The following HECW1 variants were observed in gnomAD, a reference collection of about 807,000 sequenced individuals.
The protein encoded by HECW1 is E3 ubiquitin-protein ligase HECW1.
In HECW1, 61 loss-of-function variants were observed where a neutral mutation model predicts 182.3. That is an observed-to-expected ratio of 0.33 (90% confidence interval 0.27 to 0.41). The LOEUF (loss-of-function observed/expected upper bound fraction) is 0.41. Ranked by LOEUF, HECW1 falls within the 10% of genes least tolerant of loss-of-function variation. HECW1 has a pLI of 1.00. For synonymous variants in HECW1, 859 were observed against 832.6 expected, an observed-to-expected ratio of 1.03 and a Z score of -0.55; for missense variants, 1,739 against 2,108.9, an observed-to-expected ratio of 0.82 and a Z score of 3.44.
intron 6 of HECW1, 77 bp downstream of exon 6, chr7:43,361,057 CGTGTGTGTGTGTGTGTGTGT>C (rs3032904): frequency 3.1e-6 from 2 of 637,080 alleles, no homozygotes; most frequent in Non-Finnish European, 5.5e-6. Flanking sequence ...CTTGTGCGTG[CGTGTGTGTGTGTGTGTGTGT>C]GTGTGTGTGT....
At chr7:43,517,794 T>C (rs550338790) in intron 24 of HECW1, among the ~76,000 whole-genome samples, 45 of 152,282 alleles carry the variant, frequency 3.0e-4, no homozygotes, top group African/African-American at 1.1e-3. Context: ...CATCTCTGGC[T>C]GAATCTCAGT....
At chr7:43,228,822 GT>G (rs1487903519) in intron 2 of HECW1, among the ~76,000 whole-genome samples, 4 of 151,952 alleles carry the variant, frequency 2.6e-5, no homozygotes, top group Admixed American at 1.3e-4. Flanking sequence ...ATGAAACTAT[GT>G]TAGAATTTTC....
In HECW1 at chr7:43,445,510, G is replaced by A. The variant is rs377512268; in HGVS notation, c.2338G>A (p.Val780Met). The A allele has an allele frequency of 3.7e-6, 6 of 1,610,814 alleles. No individual in the cohort carries two copies. Among genetic ancestry groups the A allele is most frequent in the African/African-American group, 2.7e-5 (2 of 74,900 alleles). Reference sequence around the variant, plus strand: ...CGAGCTGGCCGCCCCTAGCGGGCACGTGGAAAGAAGCCCGGAAGGTCTGGA... The same window carrying A: ...CGAGCTGGCCGCCCCTAGCGGGCACATGGAAAGAAGCCCGGAAGGTCTGGA... ...QDELAAPSGH[V>M]ERSPEGLESP... Residue 780 changes from valine to methionine, a missense_variant, in exon 11 of 30, where the codon GTG becomes ATG. By Grantham distance (21) the Val-to-Met change is conservative. Coordinates refer to ENST00000395891, the MANE Select transcript of HECW1 (RefSeq NM_015052.5).
intron 3 of HECW1, among the ~76,000 whole-genome samples, chr7:43,282,377 C>T (rs1804030879): frequency 6.6e-6 from 1 of 152,220 alleles, no homozygotes; most frequent in African/African-American, 2.4e-5. Context: ...TGATGCCATC[C>T]GGATGACAGG....
intron 5 of HECW1, among the ~76,000 whole-genome samples, chr7:43,352,790 G>T (rs1186301850): frequency 6.6e-6 from 1 of 152,150 alleles, no homozygotes; most frequent in Non-Finnish European, 1.5e-5. Context: ...TATTATTAAT[G>T]CCCTGGTACA....
rs762043609 is a variant in HECW1 at position 43,445,038 on chromosome 7, G to T, written c.1866G>T (p.Gly622=). 16 of 1,571,562 alleles carry T rather than the reference G, an allele frequency of 1.0e-5. No homozygotes were observed. Among genetic ancestry groups the T allele is most frequent in the African/African-American group, 4.0e-5 (3 of 74,086 alleles). The part of the protein sequence containing the change: ...ALEEDREEPE[G]ATPGTAHPGH... ...AAGAGGACAGAGAAGAGCCCGAGGG[G>T]GCTACTCCAGGCACGGCGCACCCTG... Residue 622 remains glycine (G), a synonymous_variant, in exon 11 of 30, where the codon GGG becomes GGT. Transcript: ENST00000395891.
chr7:43,398,949 T>C (rs1161970697), intron 7 of HECW1, among the ~76,000 whole-genome samples: 1 of 152,210 alleles, frequency 6.6e-6, no homozygotes, highest in Non-Finnish European at 1.5e-5. Flanking sequence ...ATGAGCCAGT[T>C]TAGCCACCTG....
chr7:43,232,021 C>CAAAAAAAAAA, intron 2 of HECW1, among the ~76,000 whole-genome samples: 1 of 71,348 alleles, frequency 1.4e-5, no homozygotes, highest in Non-Finnish European at 2.7e-5. Context: ...GACTCCATCT[C>CAAAAAAAAAA]AAAAAAAAAA....
chr7:43,562,919 A>C lies in HECW1; in HGVS notation c.*993A>C, dbSNP rs1185106591. 1 of 215,038 alleles carries C rather than the reference A, an allele frequency of 4.7e-6. No homozygotes were observed. Among genetic ancestry groups the C allele is most frequent in the Non-Finnish European group, 9.4e-6 (1 of 106,756 alleles). The allele number at this position is 215,038 out of a possible 1,614,324, so 13.3% of individuals were successfully genotyped here. A position where few individuals can be genotyped will look rare whatever the true frequency, so the allele number is the denominator to read the frequency against. On this transcript the variant is annotated 3_prime_UTR_variant, in exon 30 of 30. Coordinates refer to ENST00000395891, the MANE Select transcript of HECW1 (RefSeq NM_015052.5). Reference sequence around the variant, plus strand: ...TCACAAAGGAAAAAAAAATGTGTAGATGATACCATGACTTTTGTTAAAGCC... The same window carrying C: ...TCACAAAGGAAAAAAAAATGTGTAGCTGATACCATGACTTTTGTTAAAGCC...
chr7:43,395,669 AGGGC>A (rs1273255658), intron 6 of HECW1, among the ~76,000 whole-genome samples: 7 of 152,214 alleles, frequency 4.6e-5, no homozygotes, highest in Admixed American at 4.6e-4. Flanking sequence ...TTTGGGCTTC[AGGGC>A]AGTCATACCA....
intron 5 of HECW1, among the ~76,000 whole-genome samples, chr7:43,327,882 G>A (rs1251009373): frequency 6.6e-6 from 1 of 152,054 alleles, no homozygotes; most frequent in African/African-American, 2.4e-5. Flanking sequence ...TAAAGAGCAA[G>A]ATTAAAGGCA....
intron 3 of HECW1, chr7:43,249,521 A>AT (rs1286063377): frequency 6.6e-6 from 1 of 152,034 alleles, no homozygotes; most frequent in Non-Finnish European, 1.5e-5. Context: ...TTTTAAACAT[A>AT]TTTTTTTCTC....
At chr7:43,157,496 T>A (rs1242164455) in intron 2 of HECW1, among the ~76,000 whole-genome samples, 1 of 152,220 alleles carries the variant, frequency 6.6e-6, no homozygotes, top group Non-Finnish European at 1.5e-5. Context: ...TAAATTACTG[T>A]GTGAAATTAT....
At chr7:43,355,220 A>G (rs1455755649) in intron 5 of HECW1, among the ~76,000 whole-genome samples, 2 of 152,198 alleles carry the variant, frequency 1.3e-5, no homozygotes, top group Non-Finnish European at 2.9e-5. Context: ...CTAGTGAGTA[A>G]AAAGGAAACG....
At chr7:43,178,607 TG>T (rs1792499918) in intron 2 of HECW1, among the ~76,000 whole-genome samples, 1 of 152,228 alleles carries the variant, frequency 6.6e-6, no homozygotes, top group Non-Finnish European at 1.5e-5. Context: ...CACTGGTCAC[TG>T]TGCAGAGCGC....
rs373489838 is a variant in HECW1 at position 43,150,377 on chromosome 7, C to T, written c.-32+35986C>T. 9.7e-4 allele frequency among the ~76,000 whole-genome samples: 148 copies of T among 152,180 alleles called. No individual in the cohort carries two copies. The Middle Eastern group carries it at 0.01, about 10-fold the overall frequency. On this transcript the variant is annotated intron_variant, in intron 2 of 29. Transcript: ENST00000395891. ...CCGTCACTGAACCAGCATTTTATTT[C>T]ATTTTATTTTATTTTATTTTAGATT...
chr7:43,163,552 T>A (rs551699390), intron 2 of HECW1, among the ~76,000 whole-genome samples: 1 of 152,184 alleles, frequency 6.6e-6, no homozygotes, highest in African/African-American at 2.4e-5. Flanking sequence ...GCAGACCATA[T>A]GCCAGTTATC....
chr7:43,218,835 TGACA>T (rs1796680607), intron 2 of HECW1, among the ~76,000 whole-genome samples: 1 of 152,114 alleles, frequency 6.6e-6, no homozygotes, highest in Non-Finnish European at 1.5e-5. Flanking sequence ...TTAGATAAAA[TGACA>T]CGGACACACG....
At chr7:43,388,529 G>A (rs925227371) in intron 6 of HECW1, among the ~76,000 whole-genome samples, 2 of 152,222 alleles carry the variant, frequency 1.3e-5, no homozygotes, top group African/African-American at 4.8e-5. Context: ...AGCAGTGGGT[G>A]CTTGGAATGA....
Sources: gnomAD v4.1 joint callset for allele counts (sites outside exome capture counted in the v4.1 genomes callset) on GRCh38, gnomAD v4.1.1 for gene constraint, MANE v1.5 for transcripts, NCBI Gene and HGNC (gene_info 2026-07-23, HGNC 2026-07-21) for gene names.